IFT22: variants seen among roughly 807,000 people sequenced by gnomAD.
IFT22 encodes intraflagellar transport protein 22 homolog.
Under a neutral mutation model 21.0 loss-of-function variants are expected in IFT22, and 13 were observed. That is an observed-to-expected ratio of 0.62 (90% confidence interval 0.40 to 0.98). The LOEUF is 0.98. IFT22 is among the 50% of genes least tolerant of loss of function. The pLI is 0.00. For synonymous variants in IFT22, 67 were observed against 82.4 expected (o/e 0.81, Z 1.01); for missense variants, 227 against 228.9 (o/e 0.99, Z 0.06).
intron 4 of IFT22, 100 bp downstream of exon 4, chr7:101,316,240 C>T: frequency 9.0e-7 from 1 of 1,105,628 alleles, no homozygotes; most frequent in Non-Finnish European, 1.4e-6. Flanking sequence ...AGTAGGTGCT[C>T]AGTAACTGGA....
Position 101,313,008 on chromosome 7 carries a change from ATTT to A in IFT22, c.*2123_*2125del, listed in dbSNP as rs1349193205. On this transcript the variant is annotated 3_prime_UTR_variant, in exon 5 of 5. Transcript: ENST00000315322. ...GCTACCACGCCCAGCTAATTTTTGT[ATTT>A]TTAGTAGAGACGGGGTTTCACCATG... is the stretch of plus-strand genomic sequence containing the variant. Among the ~76,000 whole-genome samples, 1 of 143,658 alleles carries A rather than the reference ATTT, an allele frequency of 7.0e-6. No individual in the cohort carries two copies. Among genetic ancestry groups the A allele is most frequent in the Non-Finnish European group, 1.5e-5 (1 of 65,604 alleles). The allele number at this position is 143,658 out of a possible 152,430, so 94.2% of individuals were successfully genotyped here. A position where few individuals can be genotyped will look rare whatever the true frequency, so the allele number is the denominator to read the frequency against.
chr7:101,318,699 C>T (rs1392909188), intron 2 of IFT22: 7 of 410,836 alleles, frequency 1.7e-5, no homozygotes, highest in East Asian at 4.3e-5. Flanking sequence ...TGCAGTGGCA[C>T]GATCATAGCT....
At chr7:101,319,579 G>C (rs769786101) in intron 1 of IFT22, among the ~76,000 whole-genome samples, 1 of 151,148 alleles carries the variant, frequency 6.6e-6, no homozygotes, top group Non-Finnish European at 1.5e-5. Flanking sequence ...CTCGTGGCTA[G>C]CTGTCTCATA....
intron 1 of IFT22, among the ~76,000 whole-genome samples, chr7:101,319,641 C>CTTTTTTT (rs11443697): frequency 8.9e-6 from 1 of 111,774 alleles, no homozygotes; most frequent in African/African-American, 3.5e-5. Flanking sequence ...ATACACATTG[C>CTTTTTTT]TTTTTTTTTT....
intron 2 of IFT22, 51 bp from the exon 3 acceptor site, chr7:101,318,264 A>C: frequency 1.4e-6 from 2 of 1,456,108 alleles, no homozygotes; most frequent in Non-Finnish European, 1.9e-6. Flanking sequence ...TCACGCCTGT[A>C]ATCTCAGCAG....
chr7:101,313,184 C>T lies in IFT22; in HGVS notation c.*1950G>A, dbSNP rs1289328888. ...TCAGCCACATGAGTAGCTGGTATTACAGGTGTGTGCCAACATGCCTGGCGA... is the reference window on the plus strand; with the variant it reads ...TCAGCCACATGAGTAGCTGGTATTATAGGTGTGTGCCAACATGCCTGGCGA... On this transcript the variant is annotated 3_prime_UTR_variant, in exon 5 of 5. Coordinates refer to ENST00000315322, the MANE Select transcript of IFT22 (RefSeq NM_022777.4). Among the ~76,000 whole-genome samples the T allele has an allele frequency of 3.9e-5, 6 of 152,114 alleles. No individual in the cohort carries two copies. The highest frequency in any genetic ancestry group is 5.9e-5 in the Non-Finnish European group (4 of 68,024).
In IFT22 at chr7:101,311,458, T is replaced by C. The variant is rs1209509180; in HGVS notation, c.*3676A>G. The stretch of plus-strand genomic sequence containing the variant: ...ACGCATGGTAATCCTAACAGGTGAA[T>C]GTGGTTCAAACTAAATTGCCAGGGA... On this transcript the variant is annotated 3_prime_UTR_variant, in exon 5 of 5. Coordinates refer to ENST00000315322, the MANE Select transcript of IFT22 (RefSeq NM_022777.4). Among the ~76,000 whole-genome samples, 4 of 152,188 alleles carry C rather than the reference T, an allele frequency of 2.6e-5. No homozygotes were observed. Among genetic ancestry groups the C allele is most frequent in the Non-Finnish European group, 4.4e-5 (3 of 68,036 alleles).
chr7:101,321,427 C>T (rs1790344107), intron 1 of IFT22: 2 of 546,094 alleles, frequency 3.7e-6, no homozygotes, highest in South Asian at 2.3e-5. Context: ...CACTCAGTAC[C>T]TTGGGCCTTC....
rs1025009760 is a variant in IFT22 at position 101,311,509 on chromosome 7, C to T, written c.*3625G>A. ...ATTGTCATGGTCTAGAAAAGCCACTCTCTCCAGTAGACTGCTCACACAGCT... is the reference window on the plus strand; with the variant it reads ...ATTGTCATGGTCTAGAAAAGCCACTTTCTCCAGTAGACTGCTCACACAGCT... On this transcript the variant is annotated 3_prime_UTR_variant, in exon 5 of 5. Coordinates refer to ENST00000315322, the MANE Select transcript of IFT22 (RefSeq NM_022777.4). 4.4e-4 allele frequency among the ~76,000 whole-genome samples: 67 copies of T among 152,218 alleles called. No homozygotes were observed. The highest frequency in any genetic ancestry group is 1.4e-3 in the African/African-American group (60 of 41,542).
chr7:101,315,049 C>A lies in IFT22; in HGVS notation c.*85G>T. The A allele has an allele frequency of 6.9e-7, 1 of 1,451,708 alleles. No homozygotes were observed. Among genetic ancestry groups the A allele is most frequent in the South Asian group, 1.3e-5 (1 of 78,948 alleles). 89.9% of individuals were successfully genotyped at this position (1,451,708 alleles called of 1,614,324 possible). A position where few individuals can be genotyped will look rare whatever the true frequency, so the allele number is the denominator to read the frequency against. On this transcript the variant is annotated 3_prime_UTR_variant, in exon 5 of 5. Transcript: ENST00000315322. Reference sequence around the variant, plus strand: ...CTCTGCAGTCAGAGGGAGAAGAAAACATCAGGAGCTGGATGTGATTTCAGA... The same window carrying A: ...CTCTGCAGTCAGAGGGAGAAGAAAAAATCAGGAGCTGGATGTGATTTCAGA...
Position 101,317,857 on chromosome 7 carries a change from C to T in IFT22, c.206+267G>A, listed in dbSNP as rs550666617. On this transcript the variant is annotated intron_variant, in intron 3 of 4. Transcript: ENST00000315322. ...AACCTCCAGGGTTCACTGCAACCTC[C>T]GCCTCCAGGTTCAAGCAGTTCTCCT... is the stretch of plus-strand genomic sequence containing the variant. 3.3e-4 allele frequency among the ~76,000 whole-genome samples: 50 copies of T among 152,210 alleles called. 1 individual carries two copies. The highest frequency in any genetic ancestry group is 1.2e-4 in the African/African-American group (5 of 41,542).
At position 101,312,288 on chromosome 7, in the gene IFT22, C is replaced by G. The variant is rs1789998009; in HGVS notation, c.*2846G>C. 6.6e-6 allele frequency among the ~76,000 whole-genome samples: 1 copy of G among 151,962 alleles called. No homozygotes were observed. Among genetic ancestry groups the G allele is most frequent in the Non-Finnish European group, 1.5e-5 (1 of 68,014 alleles). Reference sequence around the variant, plus strand: ...GCGTGCACTAATTAGTGGGCTGGACCATTACTGGTGTGTGTATCTCTAGTC... The same window carrying G: ...GCGTGCACTAATTAGTGGGCTGGACGATTACTGGTGTGTGTATCTCTAGTC... On this transcript the variant is annotated 3_prime_UTR_variant, in exon 5 of 5. Transcript: ENST00000315322.
At chr7:101,316,645 C>T (rs1220942570) in intron 3 of IFT22, 103 bp from the exon 4 acceptor site, 23 of 1,200,420 alleles carry the variant, frequency 1.9e-5, no homozygotes, top group Non-Finnish European at 2.6e-5. Flanking sequence ...TCTATGACGG[C>T]TGGGCGTGGT....
rs776623776 is a variant in IFT22 at position 101,316,415 on chromosome 7, A to G, written c.334T>C (p.Leu112=). The G allele has an allele frequency of 1.4e-5, 22 of 1,614,046 alleles. No homozygotes were observed. The East Asian group carries it at 4.7e-4, about 34-fold the overall frequency. ...WYSCFVQQPS[L]QDTQCMLIAH... is the part of the protein sequence containing the mutation. The stretch of plus-strand genomic sequence containing the variant: ...ATTAGCATACACTGTGTGTCCTGTA[A>G]GGACGGCTGTTGGACAAAGCAGGAA... The change falls in exon 4 of 5, where the codon TTA becomes CTA. Residue 112 remains leucine, a synonymous_variant. Transcript: ENST00000315322.
intron 2 of IFT22, 120 bp downstream of exon 2, chr7:101,318,836 A>G (rs1790242767): frequency 1.4e-6 from 1 of 736,494 alleles, no homozygotes; most frequent in Non-Finnish European, 2.4e-6. Context: ...GGGTCTCCCT[A>G]TATTGCCCAG....
Position 101,315,655 on chromosome 7 carries a change from C to T in IFT22, c.410-373G>A, listed in dbSNP as rs149244924. On this transcript the variant is annotated intron_variant, in intron 4 of 4. Coordinates refer to ENST00000315322, the MANE Select transcript of IFT22 (RefSeq NM_022777.4). ...AGAAAGAGTGCCCCCCTAGTTGTAC[C>T]CAAGAATAGCTACAAGGATTTTCCC... 2.9e-3 allele frequency: 686 copies of T among 240,658 alleles called. 5 individuals are homozygous for T. Among genetic ancestry groups the T allele is most frequent in the African/African-American group, 0.015 (654 of 42,718 alleles). The allele number at this position is 240,658 out of a possible 1,614,324, so 14.9% of individuals were successfully genotyped here.
intron 4 of IFT22, 185 bp downstream of exon 4, chr7:101,316,155 T>C (rs890769665): frequency 6.7e-6 from 4 of 593,622 alleles, no homozygotes; most frequent in African/African-American, 3.7e-5. Flanking sequence ...CCTGCCATCA[T>C]GCCTGGCTAA....
Position 101,314,072 on chromosome 7 carries a change from G to C in IFT22, c.*1062C>G, listed in dbSNP as rs1467360979. The stretch of plus-strand genomic sequence containing the variant: ...GGATTTTGCCATGTTGGCCAGGCTG[G>C]TCTTGAACTCCTGGCCTCAAGTGAT... On this transcript the variant is annotated 3_prime_UTR_variant, in exon 5 of 5. Coordinates refer to ENST00000315322, the MANE Select transcript of IFT22 (RefSeq NM_022777.4). 1.3e-5 allele frequency: 2 copies of C among 152,030 alleles called. No individual in the cohort carries two copies. Among genetic ancestry groups the C allele is most frequent in the African/African-American group, 4.8e-5 (2 of 41,326 alleles). 9.4% of individuals were successfully genotyped at this position (152,030 alleles called of 1,614,324 possible). A position where few individuals can be genotyped will look rare whatever the true frequency, so the allele number is the denominator to read the frequency against.
rs551133995 is a variant in IFT22, at chr7:101,311,238, G to A, written c.*3896C>T. Among the ~76,000 whole-genome samples, 432 of 152,106 alleles carry A rather than the reference G, an allele frequency of 2.8e-3. 1 individual carries two copies. The highest frequency in any genetic ancestry group is 4.3e-3 in the Non-Finnish European group (290 of 67,988). On this transcript the variant is annotated 3_prime_UTR_variant, in exon 5 of 5. Coordinates refer to ENST00000315322, the MANE Select transcript of IFT22 (RefSeq NM_022777.4). ...GATCTCTTAACCTCGTAATCCACCCGCCTCGGCCTCCCAAAGTGCTGGGAT... is the reference window on the plus strand; with the variant it reads ...GATCTCTTAACCTCGTAATCCACCCACCTCGGCCTCCCAAAGTGCTGGGAT...
Sources: gnomAD v4.1 joint callset for allele counts (sites outside exome capture counted in the v4.1 genomes callset) on GRCh38, gnomAD v4.1.1 for gene constraint, MANE v1.5 for transcripts, NCBI Gene and HGNC (gene_info 2026-07-23, HGNC 2026-07-21) for gene names.